GCSAML: variants seen among roughly 807,000 people sequenced by gnomAD.
The protein encoded by GCSAML is germinal center-associated signaling and motility-like protein.
A neutral mutation model predicts 13.0 loss-of-function variants in GCSAML; 9 were observed. The ratio of observed to expected loss-of-function variants is 0.69; its 90% confidence interval spans 0.42 to 1.21. GCSAML has a LOEUF of 1.21. Among genes scored for constraint, GCSAML ranks in the 50% most tolerant of loss-of-function variants. GCSAML has a pLI of 0.00. For synonymous variants in GCSAML, 37 were observed against 52.9 expected, an observed-to-expected ratio of 0.70 and a Z score of 1.31; for missense variants, 143 against 153.4, an observed-to-expected ratio of 0.93 and a Z score of 0.36.
chr1:247,563,450 A>C, intron 2 of GCSAML, 140 bp from the exon 3 acceptor site: 1 of 529,364 alleles, frequency 1.9e-6, no homozygotes, highest in Admixed American at 3.8e-5. Flanking sequence ...TGGAGTAAGC[A>C]GCCTTTTAAT....
chr1:247,511,881 T>C (rs1666051089), intron 1 of GCSAML, among the ~76,000 whole-genome samples: 1 of 152,252 alleles, frequency 6.6e-6, no homozygotes, highest in African/African-American at 2.4e-5. Context: ...GGTCCGCTGT[T>C]AGTCTGATGG....
At chr1:247,521,429 G>C (rs1021039333) in intron 1 of GCSAML, among the ~76,000 whole-genome samples, 1 of 150,054 alleles carries the variant, frequency 6.7e-6, no homozygotes, top group African/African-American at 2.5e-5. Flanking sequence ...CTCTGATGCC[G>C]AGCGGAAGCT....
chr1:247,574,008 A>C (rs1668734275), intron 4 of GCSAML, 135 bp from the exon 5 acceptor site: 1 of 879,714 alleles, frequency 1.1e-6, no homozygotes, highest in Non-Finnish European at 1.8e-6. Context: ...ATTGGTGTAC[A>C]GGAATGCTTG....
chr1:247,509,672 T>C (rs945122194), intron 1 of GCSAML, among the ~76,000 whole-genome samples: 1 of 152,202 alleles, frequency 6.6e-6, no homozygotes, highest in African/African-American at 2.4e-5. Flanking sequence ...TTGAGATGCA[T>C]TCCATCAGTA....
chr1:247,555,733 A>G, intron 1 of GCSAML, among the ~76,000 whole-genome samples: 1 of 152,242 alleles, frequency 6.6e-6, no homozygotes, highest in East Asian at 1.9e-4. Flanking sequence ...TGTGTGGACA[A>G]CTGGTGGAGT....
chr1:247,542,019 G>GA (rs796271161), intron 2 of GCSAML, among the ~76,000 whole-genome samples: 7,810 of 119,938 alleles, frequency 0.065, 668 homozygotes, highest in African/African-American at 0.2. Context: ...CAAAAAAAAA[G>GA]AAAAAAAAAA....
chr1:247,513,896 G>T (rs1251120997), intron 1 of GCSAML, among the ~76,000 whole-genome samples: 1 of 152,138 alleles, frequency 6.6e-6, no homozygotes, highest in Non-Finnish European at 1.5e-5. Context: ...TGGAAATGCA[G>T]AAATCACCAG....
At chr1:247,522,214 C>T (rs1666463427) in intron 1 of GCSAML, among the ~76,000 whole-genome samples, 1 of 149,386 alleles carries the variant, frequency 6.7e-6, no homozygotes, top group South Asian at 2.1e-4. Flanking sequence ...TGGGGGGCAG[C>T]CCCCGCCCAG....
At chr1:247,563,129 T>TG in intron 2 of GCSAML, among the ~76,000 whole-genome samples, 1 of 152,082 alleles carries the variant, frequency 6.6e-6, no homozygotes, top group Non-Finnish European at 1.5e-5. Flanking sequence ...ATCACAGGCA[T>TG]AAGCCATCCC....
At chr1:247,555,535 C>T (rs903903578) in intron 1 of GCSAML, among the ~76,000 whole-genome samples, 1 of 152,116 alleles carries the variant, frequency 6.6e-6, no homozygotes, top group East Asian at 1.9e-4. Context: ...AGCAATGTTT[C>T]TTGAACATAT....
chr1:247,534,234 C>A (rs1267136142), intron 2 of GCSAML, among the ~76,000 whole-genome samples: 3 of 152,100 alleles, frequency 2.0e-5, no homozygotes, highest in African/African-American at 7.2e-5. Flanking sequence ...TTCCATGGAG[C>A]CATAGTTTTA....
chr1:247,516,561 T>G lies in GCSAML; in HGVS notation c.-263+9328T>G, dbSNP rs891013377. On this transcript the variant is annotated intron_variant, in intron 1 of 5. Coordinates refer to the GCSAML transcript ENST00000366489. ...CAACTTTCATGTTGACTGTTTTTTT[T>G]TTTTTTTTTTTAAACTCCAGATCTA... Among the ~76,000 whole-genome samples the G allele has an allele frequency of 1.8e-3, 269 of 152,194 alleles. 1 individual carries two copies. Among genetic ancestry groups the G allele is most frequent in the Middle Eastern group, 3.4e-3 (1 of 294 alleles).
intron 2 of GCSAML, among the ~76,000 whole-genome samples, chr1:247,537,259 G>T (rs1572328873): frequency 6.6e-6 from 1 of 152,056 alleles, no homozygotes; most frequent in Non-Finnish European, 1.5e-5. Context: ...CATTTAACAT[G>T]ATATTTTCAA....
At chr1:247,543,315 G>C (rs1001026329) in intron 2 of GCSAML, among the ~76,000 whole-genome samples, 2 of 152,060 alleles carry the variant, frequency 1.3e-5, no homozygotes, top group African/African-American at 4.8e-5. Flanking sequence ...ACTACAATAA[G>C]GTATTTTGAG....
chr1:247,538,501 C>G (rs147777302), intron 2 of GCSAML, among the ~76,000 whole-genome samples: 1 of 152,136 alleles, frequency 6.6e-6, no homozygotes, highest in Admixed American at 6.5e-5. Context: ...AAACCATAAC[C>G]CACAATGTGA....
chr1:247,576,043 G>A lies in GCSAML; in HGVS notation c.*1661G>A, dbSNP rs1432540669. 1 of 152,098 alleles carries A rather than the reference G, an allele frequency of 6.6e-6. No homozygotes were observed. The highest frequency in any genetic ancestry group is 2.4e-5 in the African/African-American group (1 of 41,416). The allele number at this position is 152,098 out of a possible 1,614,324, so 9.4% of individuals were successfully genotyped here. A position where few individuals can be genotyped will look rare whatever the true frequency, so the allele number is the denominator to read the frequency against. On this transcript the variant is annotated 3_prime_UTR_variant, in exon 5 of 5. Transcript: ENST00000366488. ...ATTTCAGATTTATTTTTGGATTTTG[G>A]AATATTTCCATACATATAATGAGAG...
At chr1:247,513,036 G>A (rs571487296) in intron 1 of GCSAML, among the ~76,000 whole-genome samples, 1 of 152,190 alleles carries the variant, frequency 6.6e-6, no homozygotes, top group South Asian at 2.1e-4. Context: ...GAGCTTGAGC[G>A]CTGTGTTGGG....
intron 1 of GCSAML, among the ~76,000 whole-genome samples, chr1:247,555,691 T>C (rs1314025139): frequency 6.6e-6 from 1 of 152,102 alleles, no homozygotes; most frequent in Non-Finnish European, 1.5e-5. Flanking sequence ...GAAGTGACAA[T>C]AGAGGAAAAG....
intron 1 of GCSAML, among the ~76,000 whole-genome samples, chr1:247,549,992 C>T (rs1037764433): frequency 6.6e-6 from 1 of 152,154 alleles, no homozygotes; most frequent in African/African-American, 2.4e-5. Flanking sequence ...CTCATCATAT[C>T]GCTCCTGTGC....
Sources: gnomAD v4.1 joint callset for allele counts (sites outside exome capture counted in the v4.1 genomes callset) on GRCh38, gnomAD v4.1.1 for gene constraint, MANE v1.5 for transcripts, NCBI Gene and HGNC (gene_info 2026-07-23, HGNC 2026-07-21) for gene names.